DGKB: variants seen among roughly 807,000 people sequenced by gnomAD.
The protein encoded by DGKB is 90 kDa diacylglycerol kinase.
DGKB carries 67 observed loss-of-function variants against 114.3 expected under a neutral mutation model. The ratio of observed to expected loss-of-function variants is 0.59; its 90% CI spans 0.48 to 0.72. The LOEUF is 0.72. DGKB is among the 30% of genes least tolerant of loss of function. The pLI is 0.00. For synonymous variants in DGKB, 398 were observed against 323.1 expected, an observed-to-expected ratio of 1.23 and a Z score of -2.49; for missense variants, 907 against 975.2, an observed-to-expected ratio of 0.93 and a Z score of 0.93.
intron 4 of DGKB, among the ~76,000 whole-genome samples, chr7:14,750,461 C>T (rs1051403392): frequency 6.6e-6 from 1 of 152,138 alleles, no homozygotes; most frequent in Non-Finnish European, 1.5e-5. Flanking sequence ...CAACCTATTA[C>T]TTTGGGTCGT....
intron 2 of DGKB, among the ~76,000 whole-genome samples, chr7:14,798,771 A>G (rs925033226): frequency 1.6e-4 from 24 of 152,210 alleles, no homozygotes; most frequent in African/African-American, 5.5e-4. Flanking sequence ...GTGGGTCCCC[A>G]CACCCATCCT....
chr7:14,528,295 C>T (rs1416293407), intron 20 of DGKB, among the ~76,000 whole-genome samples: 1 of 152,000 alleles, frequency 6.6e-6, no homozygotes, highest in African/African-American at 2.4e-5. Flanking sequence ...CTGCAGTGAC[C>T]TTTCTATAAC....
intron 6 of DGKB, among the ~76,000 whole-genome samples, chr7:14,717,727 C>G (rs1443051627): frequency 6.6e-6 from 1 of 152,024 alleles, no homozygotes; most frequent in Non-Finnish European, 1.5e-5. Flanking sequence ...ATTCTAGTAG[C>G]AAGCATTTTT....
In DGKB at chr7:14,558,381, G is replaced by A. The variant is rs1033218783; in HGVS notation, c.1770+15831C>T. ...TTTACATTAGAATTGTATATTTCCT[G>A]TATAGTTTGCCATTTTTCCTTTTTA... On this transcript the variant is annotated intron_variant, in intron 20 of 25. Coordinates refer to ENST00000402815, the MANE Select transcript of DGKB (RefSeq NM_001350709.2). 1.2e-4 allele frequency among the ~76,000 whole-genome samples: 18 copies of A among 151,948 alleles called. No individual in the cohort carries two copies. The East Asian group carries it at 1.7e-3, about 15-fold the overall frequency.
intron 5 of DGKB, among the ~76,000 whole-genome samples, chr7:14,734,086 G>A (rs142788588): frequency 1.3e-5 from 2 of 151,906 alleles, no homozygotes; most frequent in Non-Finnish European, 2.9e-5. Context: ...CCAGCCTGGA[G>A]TGCAGTGATG....
At chr7:14,407,989 A>G (rs116750222) in intron 21 of DGKB, among the ~76,000 whole-genome samples, 1,964 of 152,210 alleles carry the variant, frequency 0.013, 35 homozygotes, top group African/African-American at 0.04. Context: ...CCCTCCCCCA[A>G]TCCTCACAAA....
chr7:14,341,904 C>G (rs899612308), intron 22 of DGKB, among the ~76,000 whole-genome samples: 27 of 151,954 alleles, frequency 1.8e-4, no homozygotes, highest in African/African-American at 6.3e-4. Flanking sequence ...TAATGATAAA[C>G]TGTAATTTTT....
chr7:14,899,265 C>A (rs1782601385), intron 1 of DGKB, among the ~76,000 whole-genome samples: 2 of 152,226 alleles, frequency 1.3e-5, no homozygotes, highest in East Asian at 1.9e-4. Flanking sequence ...ACTCTTTTAC[C>A]TCTTCAGTCA....
chr7:14,599,092 T>C (rs1172797000), intron 17 of DGKB, among the ~76,000 whole-genome samples: 2 of 152,240 alleles, frequency 1.3e-5, no homozygotes, highest in Non-Finnish European at 2.9e-5. Flanking sequence ...CTCTCTTCCT[T>C]GGACGTGTGT....
chr7:14,149,703 T>C (rs1299570643), intron 25 of DGKB, among the ~76,000 whole-genome samples: 1 of 152,146 alleles, frequency 6.6e-6, no homozygotes, highest in East Asian at 1.9e-4. Context: ...GCTAATCAGA[T>C]TGTTTCTCTC....
At chr7:14,227,544 A>C (rs1231216145) in intron 23 of DGKB, among the ~76,000 whole-genome samples, 2 of 152,064 alleles carry the variant, frequency 1.3e-5, no homozygotes, top group African/African-American at 4.8e-5. Context: ...TATATATGGT[A>C]TAACTAAAAC....
chr7:14,353,340 T>C (rs1050741609), intron 21 of DGKB, among the ~76,000 whole-genome samples: 1 of 152,210 alleles, frequency 6.6e-6, no homozygotes, highest in African/African-American at 2.4e-5. Context: ...AGCTGACTAA[T>C]GGAACCTGAG....
chr7:14,370,552 C>T lies in DGKB; in HGVS notation c.1836-25161G>A, dbSNP rs545196251. On this transcript the variant is annotated intron_variant, in intron 21 of 25. Coordinates refer to ENST00000402815, the MANE Select transcript of DGKB (RefSeq NM_001350709.2). ...TTTCATGATATTGATTCTTCCTATC[C>T]GTGAGCATGGAATGTTTTTCCATTT... Among the ~76,000 whole-genome samples, 73 of 152,184 alleles carry T rather than the reference C, an allele frequency of 4.8e-4. 2 individuals are homozygous for T. In the Middle Eastern group the frequency reaches 0.01, roughly 21 times the overall value.
intron 20 of DGKB, among the ~76,000 whole-genome samples, chr7:14,517,846 C>G (rs1384159629): frequency 6.6e-6 from 1 of 152,088 alleles, no homozygotes; most frequent in Non-Finnish European, 1.5e-5. Context: ...AAAGGGAACA[C>G]TTATACACTG....
intron 21 of DGKB, among the ~76,000 whole-genome samples, chr7:14,389,848 T>A (rs1821051210): frequency 6.6e-6 from 1 of 152,192 alleles, no homozygotes; most frequent in South Asian, 2.1e-4. Context: ...TAGCCTATAA[T>A]CCTCTGAGAG....
At chr7:14,735,204 G>C (rs1025415908) in intron 5 of DGKB, among the ~76,000 whole-genome samples, 8 of 152,306 alleles carry the variant, frequency 5.3e-5, no homozygotes, top group Admixed American at 5.2e-4. Flanking sequence ...CTATAGACTA[G>C]TCTTGAATTC....
chr7:14,888,177 T>A (rs1044177732), intron 1 of DGKB, among the ~76,000 whole-genome samples: 1 of 151,658 alleles, frequency 6.6e-6, no homozygotes, highest in African/African-American at 2.4e-5. Context: ...AGTTATCAAA[T>A]CATTTCAAAG....
intron 21 of DGKB, among the ~76,000 whole-genome samples, chr7:14,374,344 C>A (rs1441542744): frequency 6.6e-6 from 1 of 152,092 alleles, no homozygotes; most frequent in Non-Finnish European, 1.5e-5. Flanking sequence ...CTCTTAAAAA[C>A]CTTTCCCCTC....
intron 25 of DGKB, among the ~76,000 whole-genome samples, chr7:14,154,713 G>A (rs917008682): frequency 2.0e-4 from 31 of 151,736 alleles, no homozygotes; most frequent in African/African-American, 6.5e-4. Flanking sequence ...ACAACAAAGC[G>A]TATTTCCAGA....
Sources: allele counts gnomAD v4.1 joint callset (sites outside exome capture counted in the v4.1 genomes callset), GRCh38; gene constraint gnomAD v4.1.1; transcripts MANE v1.5; gene names NCBI Gene and HGNC (gene_info 2026-07-23, HGNC 2026-07-21).